The following ERG variants were observed in gnomAD, a reference collection of about 807,000 sequenced individuals.
The protein encoded by ERG is transcriptional regulator ERG.
A neutral mutation model predicts 55.3 loss-of-function variants in ERG; 9 were observed. That is an observed-to-expected ratio of 0.16 (90% CI 0.10 to 0.28). The LOEUF is 0.28. Among genes scored for constraint, ERG ranks in the 10% least tolerant of loss-of-function variants. The pLI is 1.00. For synonymous variants in ERG, 223 were observed against 237.3 expected, an observed-to-expected ratio of 0.94 and a Z score of 0.55; for missense variants, 434 against 631.6, an observed-to-expected ratio of 0.69 and a Z score of 3.35.
At chr21:38,406,650 G>T (rs765798440) in intron 3 of ERG, among the ~76,000 whole-genome samples, 1 of 152,038 alleles carries the variant, frequency 6.6e-6, no homozygotes, top group Non-Finnish European at 1.5e-5. Context: ...AACAAAATGG[G>T]AGGACTATTT....
At chr21:38,522,449 C>A (rs1019310182) in intron 2 of ERG, among the ~76,000 whole-genome samples, 1 of 152,030 alleles carries the variant, frequency 6.6e-6, no homozygotes, top group Non-Finnish European at 1.5e-5. Flanking sequence ...AATTAAAAAT[C>A]CATATATTAA....
downstream of ERG, among the ~76,000 whole-genome samples, chr21:38,377,640 G>A (rs545776439): frequency 2.6e-5 from 4 of 152,272 alleles, no homozygotes; most frequent in East Asian, 1.9e-4. Flanking sequence ...AGAATGGTTC[G>A]TGACTTCTAC....
chr21:38,603,977 G>A (rs1389973642), intron 1 of ERG, among the ~76,000 whole-genome samples: 8 of 151,970 alleles, frequency 5.3e-5, no homozygotes, highest in African/African-American at 1.7e-4. Context: ...GGCCGGGCGC[G>A]GTGGCTCACG....
intron 2 of ERG, among the ~76,000 whole-genome samples, chr21:38,545,193 C>A (rs1188153055): frequency 6.6e-6 from 1 of 152,206 alleles, no homozygotes; most frequent in East Asian, 1.9e-4. Context: ...CCTCTTACCC[C>A]AAAACTACTC....
the ERG span, among the ~76,000 whole-genome samples, chr21:38,371,152 A>T: frequency 2.4e-4 from 36 of 152,194 alleles, no homozygotes; most frequent in Non-Finnish European, 2.9e-5. Context: ...ATTCTTAGGT[A>T]TTACATTTTT....
At chr21:38,436,662 A>G (rs2058792967) in intron 2 of ERG, among the ~76,000 whole-genome samples, 1 of 152,240 alleles carries the variant, frequency 6.6e-6, no homozygotes, top group Admixed American at 6.5e-5. Context: ...AAAACTGGAC[A>G]ATATGTTGTA....
chr21:38,511,971 C>T (rs747605521), intron 2 of ERG, among the ~76,000 whole-genome samples: 8 of 152,220 alleles, frequency 5.3e-5, no homozygotes, highest in Non-Finnish European at 1.2e-4. Flanking sequence ...TGGAACAGAG[C>T]AATTCGGTTT....
intron 1 of ERG, among the ~76,000 whole-genome samples, chr21:38,576,287 C>T (rs554083580): frequency 3.3e-5 from 5 of 152,300 alleles, no homozygotes; most frequent in African/African-American, 7.2e-5. Flanking sequence ...ATTCCAACCA[C>T]GACTCTGAGA....
chr21:38,499,269 A>G (rs1456545555), upstream of ERG, among the ~76,000 whole-genome samples: 1 of 152,232 alleles, frequency 6.6e-6, no homozygotes, highest in African/African-American at 2.4e-5. Context: ...AGATCCTCAT[A>G]GAACTTTTGG....
chr21:38,503,062 TA>T (rs2059433192), upstream of ERG, among the ~76,000 whole-genome samples: 1 of 152,188 alleles, frequency 6.6e-6, no homozygotes, highest in South Asian at 2.1e-4. Context: ...AAAAAATAAA[TA>T]AAAAGGCAAA....
intron 1 of ERG, among the ~76,000 whole-genome samples, chr21:38,610,526 CGTGT>C (rs148197703): frequency 9.0e-4 from 135 of 150,338 alleles, no homozygotes; most frequent in Middle Eastern, 6.8e-3. Context: ...CGCGCACGCG[CGTGT>C]GTGTGTGTGT....
At chr21:38,398,210 C>T (rs752868271) in intron 6 of ERG, among the ~76,000 whole-genome samples, 25 of 152,140 alleles carry the variant, frequency 1.6e-4, no homozygotes, top group South Asian at 4.1e-4. Context: ...TCAGCCATCA[C>T]GACGTTCATT....
intron 1 of ERG, among the ~76,000 whole-genome samples, chr21:38,628,568 A>G (rs865995650): frequency 6.6e-6 from 1 of 152,176 alleles, no homozygotes; most frequent in African/African-American, 2.4e-5. Flanking sequence ...CGTGGAGAAA[A>G]GAGAGAGCTG....
intron 2 of ERG, among the ~76,000 whole-genome samples, chr21:38,443,192 C>T (rs2058858246): frequency 6.6e-6 from 1 of 152,258 alleles, no homozygotes; most frequent in African/African-American, 2.4e-5. Flanking sequence ...CTCGCCTCCT[C>T]ACTCAGTCTC....
intron 1 of ERG, among the ~76,000 whole-genome samples, chr21:38,649,221 C>T (rs1255695083): frequency 1.3e-5 from 2 of 152,212 alleles, no homozygotes; most frequent in Non-Finnish European, 2.9e-5. Flanking sequence ...TTGGCATCAC[C>T]GAGGGCTGCG....
chr21:38,393,704 T>C (rs1266737339), intron 6 of ERG, among the ~76,000 whole-genome samples: 2 of 152,242 alleles, frequency 1.3e-5, no homozygotes, highest in African/African-American at 4.8e-5. Context: ...CCAAAGAGAA[T>C]AGAAATGATG....
intron 2 of ERG, among the ~76,000 whole-genome samples, chr21:38,564,132 C>A (rs1407642612): frequency 6.6e-6 from 1 of 150,838 alleles, no homozygotes; most frequent in Admixed American, 6.6e-5. Flanking sequence ...TGCACAGAAC[C>A]CAGAAATCCT....
At chr21:38,443,990 T>C (rs557061916) in intron 2 of ERG, among the ~76,000 whole-genome samples, 18 of 152,312 alleles carry the variant, frequency 1.2e-4, no homozygotes, top group East Asian at 1.2e-3. Flanking sequence ...AGACGCAAAC[T>C]GACTTCTCAG....
At chr21:38,516,533 C>T (rs1236131282) in intron 2 of ERG, among the ~76,000 whole-genome samples, 2 of 151,544 alleles carry the variant, frequency 1.3e-5, no homozygotes, top group Non-Finnish European at 3.0e-5. Flanking sequence ...AAAATGACCA[C>T]ACCACCCAAA....
Sources: gnomAD v4.1 joint callset for allele counts (sites outside exome capture counted in the v4.1 genomes callset) on GRCh38, gnomAD v4.1.1 for gene constraint, MANE v1.5 for transcripts, NCBI Gene and HGNC (gene_info 2026-07-23, HGNC 2026-07-21) for gene names.